PLCL1: variants seen among roughly 807,000 people sequenced by gnomAD.
PLCL1 encodes phospholipase C like 1 (inactive), also known as inactive phospholipase C-like protein 1.
In PLCL1, 41 loss-of-function variants were observed where a neutral mutation model predicts 84.4. The observed-to-expected ratio is 0.49, with a 90% CI of 0.38 to 0.63. PLCL1 has a LOEUF of 0.63. Ranked by LOEUF, PLCL1 falls within the 30% of genes least tolerant of loss-of-function variation. The pLI is 0.00. For synonymous variants in PLCL1, 490 were observed against 488.3 expected (o/e 1.00, Z -0.05); for missense variants, 1,206 against 1,367.8 (o/e 0.88, Z 1.87).
At chr2:197,828,744 G>A (rs182912505) in intron 1 of PLCL1, among the ~76,000 whole-genome samples, 16 of 152,166 alleles carry the variant, frequency 1.1e-4, no homozygotes, top group Middle Eastern at 3.4e-3. Context: ...TGCCATTTGG[G>A]TAAAAGCAAA....
intron 1 of PLCL1, among the ~76,000 whole-genome samples, chr2:197,815,108 A>G (rs566442486): frequency 4.3e-4 from 66 of 152,212 alleles, no homozygotes; most frequent in Admixed American, 9.2e-4. Context: ...AGAAGGTGTC[A>G]TCTAGGACTT....
At chr2:198,027,460 A>G (rs1184875139) in intron 1 of PLCL1, among the ~76,000 whole-genome samples, 1 of 152,214 alleles carries the variant, frequency 6.6e-6, no homozygotes, top group East Asian at 1.9e-4. Flanking sequence ...ATAAAAACGT[A>G]TTGTATACTT....
chr2:198,120,300 G>T (rs1036570516), intron 5 of PLCL1, among the ~76,000 whole-genome samples: 27 of 151,880 alleles, frequency 1.8e-4, no homozygotes, highest in African/African-American at 5.8e-4. Flanking sequence ...TCCCCTCAAG[G>T]ATCTATCCTT....
intron 1 of PLCL1, among the ~76,000 whole-genome samples, chr2:197,817,526 C>T: frequency 6.6e-6 from 1 of 152,062 alleles, no homozygotes; most frequent in Middle Eastern, 3.2e-3. Flanking sequence ...GGGATCCTCT[C>T]ACCTCAAACT....
intron 1 of PLCL1, among the ~76,000 whole-genome samples, chr2:197,986,990 T>C (rs1048445606): frequency 5.9e-5 from 9 of 152,172 alleles, no homozygotes; most frequent in African/African-American, 1.2e-4. Flanking sequence ...CTCTAAAGGG[T>C]GAAGGAGGGA....
intron 1 of PLCL1, among the ~76,000 whole-genome samples, chr2:197,849,692 G>A (rs1306298152): frequency 6.6e-6 from 1 of 152,036 alleles, no homozygotes; most frequent in African/African-American, 2.4e-5. Flanking sequence ...ATATTCAATG[G>A]TGGTGGTGGG....
chr2:198,060,625 T>C (rs1281302421), intron 1 of PLCL1, among the ~76,000 whole-genome samples: 1 of 152,244 alleles, frequency 6.6e-6, no homozygotes, highest in Non-Finnish European at 1.5e-5. Context: ...GGAATCTTGA[T>C]GGATTTCTTT....
At chr2:198,000,684 A>T (rs1472051721) in intron 1 of PLCL1, among the ~76,000 whole-genome samples, 1 of 151,756 alleles carries the variant, frequency 6.6e-6, no homozygotes, top group African/African-American at 2.4e-5. Flanking sequence ...AAAGTGACTT[A>T]TTCGAGGTGA....
chr2:198,100,620 G>A (rs1241707609), intron 3 of PLCL1, among the ~76,000 whole-genome samples: 2 of 152,094 alleles, frequency 1.3e-5, no homozygotes, highest in African/African-American at 4.8e-5. Context: ...GTAAGCAAGG[G>A]AGAAAATGAC....
chr2:197,927,245 T>C (rs903066453), intron 1 of PLCL1, among the ~76,000 whole-genome samples: 1 of 152,350 alleles, frequency 6.6e-6, no homozygotes, highest in Non-Finnish European at 1.5e-5. Context: ...ACTTAAATGT[T>C]CTTTGTGATG....
intron 1 of PLCL1, among the ~76,000 whole-genome samples, chr2:197,905,445 C>T (rs1365799136): frequency 6.6e-6 from 1 of 152,200 alleles, no homozygotes; most frequent in Non-Finnish European, 1.5e-5. Context: ...TTTATGGCTG[C>T]ATAGTATTCC....
At chr2:198,003,959 C>G (rs1180935700) in intron 1 of PLCL1, among the ~76,000 whole-genome samples, 1 of 152,010 alleles carries the variant, frequency 6.6e-6, no homozygotes, top group Admixed American at 6.6e-5. Flanking sequence ...ATTTATGCCT[C>G]AAAGTGAAGT....
intron 5 of PLCL1, among the ~76,000 whole-genome samples, chr2:198,113,808 AT>A (rs1470842438): frequency 1.3e-5 from 2 of 151,908 alleles, no homozygotes; most frequent in African/African-American, 4.8e-5. Context: ...ATTATGGCTA[AT>A]TTGTTATTAT....
intron 1 of PLCL1, among the ~76,000 whole-genome samples, chr2:197,931,199 T>C (rs1003277675): frequency 3.9e-5 from 6 of 152,196 alleles, no homozygotes; most frequent in African/African-American, 1.4e-4. Context: ...GCAGTATCTA[T>C]TGCTAGCAAG....
chr2:197,804,965 C>T lies in PLCL1; in HGVS notation c.-135C>T. On this transcript the variant is annotated 5_prime_UTR_variant, in exon 1 of 6. Transcript: ENST00000428675. ...GTTGCCGCCGCCGCCGCCGCCGCCG[C>T]CACTGCCGCCGCTGGGCGGTGAAAC... The T allele has an allele frequency of 8.9e-7, 1 of 1,120,560 alleles. No homozygotes were observed. Among genetic ancestry groups the T allele is most frequent in the South Asian group, 1.6e-5 (1 of 63,500 alleles). 69.4% of individuals were successfully genotyped at this position (1,120,560 alleles called of 1,614,324 possible). A position where few individuals can be genotyped will look rare whatever the true frequency, so the allele number is the denominator to read the frequency against.
chr2:198,145,905 C>T (rs929756834), intron 5 of PLCL1, among the ~76,000 whole-genome samples: 1 of 152,144 alleles, frequency 6.6e-6, no homozygotes, highest in Non-Finnish European at 1.5e-5. Flanking sequence ...CACTTTCAGG[C>T]ACTGCCATGA....
chr2:198,031,820 C>G (rs1263069516), intron 1 of PLCL1, among the ~76,000 whole-genome samples: 1 of 151,914 alleles, frequency 6.6e-6, no homozygotes, highest in African/African-American at 2.4e-5. Flanking sequence ...CCACAAATGA[C>G]TTAATATTAC....
chr2:197,994,284 G>A (rs1339305127), intron 1 of PLCL1, among the ~76,000 whole-genome samples: 1 of 152,132 alleles, frequency 6.6e-6, no homozygotes, highest in Non-Finnish European at 1.5e-5. Flanking sequence ...CAATCTTTAC[G>A]CAGTCCTTTC....
chr2:197,909,931 G>A (rs764728179), intron 1 of PLCL1, among the ~76,000 whole-genome samples: 5 of 152,042 alleles, frequency 3.3e-5, no homozygotes, highest in Non-Finnish European at 7.4e-5. Context: ...TGCACCTATT[G>A]TGGTTCTACT....
Sources: allele counts gnomAD v4.1 joint callset (sites outside exome capture counted in the v4.1 genomes callset), GRCh38; gene constraint gnomAD v4.1.1; transcripts MANE v1.5; gene names NCBI Gene and HGNC (gene_info 2026-07-23, HGNC 2026-07-21).